ATG5: variants seen among roughly 807,000 people sequenced by gnomAD.
ATG5 encodes the protein autophagy protein 5.
A neutral mutation model predicts 36.5 loss-of-function variants in ATG5; 14 were observed. That is an observed-to-expected ratio of 0.38 (90% CI 0.25 to 0.60). ATG5 has a LOEUF of 0.60. ATG5 is among the 20% of genes least tolerant of loss of function. The pLI, the probability that ATG5 is intolerant of heterozygous loss-of-function variation, is 0.60. For synonymous variants in ATG5, 95 were observed against 101.5 expected, an observed-to-expected ratio of 0.94 and a Z score of 0.38; for missense variants, 195 against 326.7, an observed-to-expected ratio of 0.60 and a Z score of 3.11.
rs752467751 is a variant in ATG5, at chr6:106,186,522, A to T, written c.*18T>A. The T allele has an allele frequency of 6.2e-7, 1 of 1,612,024 alleles. No homozygotes were observed. The highest frequency in any genetic ancestry group is 1.7e-5 in the Admixed American group (1 of 59,978). On this transcript the variant is annotated 3_prime_UTR_variant, in exon 8 of 8. Coordinates refer to ENST00000369076, the MANE Select transcript of ATG5 (RefSeq NM_004849.4). ...ATCCCATTTAAGGATGATTCTGTTC[A>T]GGCAAATAGTTGATCCTTCAATCTG...
intron 1 of ATG5, among the ~76,000 whole-genome samples, chr6:106,321,866 T>C (rs1390988229): frequency 6.6e-6 from 1 of 152,202 alleles, no homozygotes; most frequent in Non-Finnish European, 1.5e-5. Context: ...TTATCACCAA[T>C]ATTAGTACAG....
intron 7 of ATG5, among the ~76,000 whole-genome samples, chr6:106,193,269 G>A (rs1303037670): frequency 6.6e-6 from 1 of 152,138 alleles, no homozygotes; most frequent in Non-Finnish European, 1.5e-5. Flanking sequence ...TCACTTAGCA[G>A]TACAGGTCTT....
At chr6:106,201,826 T>C (rs1776442253) in intron 7 of ATG5, 146 bp downstream of exon 7, 1 of 491,802 alleles carries the variant, frequency 2.0e-6, no homozygotes, top group Admixed American at 3.4e-5. Context: ...ATATTAAATA[T>C]TAGGTGCTTC....
At chr6:106,283,240 T>C (rs1165807182) in intron 4 of ATG5, among the ~76,000 whole-genome samples, 2 of 152,198 alleles carry the variant, frequency 1.3e-5, no homozygotes, top group African/African-American at 4.8e-5. Flanking sequence ...TCATGAAATA[T>C]ACTGGCTTAT....
intron 5 of ATG5, among the ~76,000 whole-genome samples, chr6:106,263,714 A>G (rs574193626): frequency 1.4e-4 from 22 of 152,188 alleles, no homozygotes; most frequent in Admixed American, 2.6e-4. Flanking sequence ...CCAGGCGAAC[A>G]GGGTCTAGAG....
At chr6:106,324,364 C>T (rs532306656) in intron 1 of ATG5, among the ~76,000 whole-genome samples, 1 of 152,124 alleles carries the variant, frequency 6.6e-6, no homozygotes, top group African/African-American at 2.4e-5. Flanking sequence ...AAACACTACA[C>T]CATTTTATAT....
chr6:106,251,523 G>A (rs1016057461), intron 5 of ATG5, among the ~76,000 whole-genome samples: 13 of 143,776 alleles, frequency 9.0e-5, no homozygotes, highest in South Asian at 2.3e-4. Flanking sequence ...AGGAAGACAC[G>A]ATAAAAAAAA....
chr6:106,247,109 A>G (rs1778371458), intron 6 of ATG5, among the ~76,000 whole-genome samples: 1 of 152,176 alleles, frequency 6.6e-6, no homozygotes, highest in African/African-American at 2.4e-5. Flanking sequence ...ATGGCTCTAT[A>G]AAAGATTTTA....
intron 6 of ATG5, among the ~76,000 whole-genome samples, chr6:106,229,707 G>A (rs1418549968): frequency 6.6e-6 from 1 of 152,170 alleles, no homozygotes; most frequent in Non-Finnish European, 1.5e-5. Context: ...AAAACACTAA[G>A]ACCACTGACA....
At chr6:106,288,130 C>T (rs2787539) in intron 4 of ATG5, among the ~76,000 whole-genome samples, 12,369 of 151,724 alleles carry the variant, frequency 0.082, 528 homozygotes, top group South Asian at 0.13. Context: ...ACCACCATGC[C>T]CAGCTAATTT....
intron 5 of ATG5, among the ~76,000 whole-genome samples, chr6:106,271,344 C>CTGAT (rs2114580503): frequency 6.6e-6 from 1 of 152,272 alleles, no homozygotes; most frequent in East Asian, 1.9e-4. Flanking sequence ...CATTTGGGAG[C>CTGAT]TGATTAGGTC....
At position 106,257,408 on chromosome 6, in the gene ATG5, A is replaced by G. The variant is rs185325269; in HGVS notation, c.479-9164T>C. On this transcript the variant is annotated intron_variant, in intron 5 of 7. Coordinates refer to ENST00000369076, the MANE Select transcript of ATG5 (RefSeq NM_004849.4). Reference sequence around the variant, plus strand: ...CACATTTGTTTATGACAGTATCACCACAAATCTATGAGTAATGCATTGTGC... The same window carrying G: ...CACATTTGTTTATGACAGTATCACCGCAAATCTATGAGTAATGCATTGTGC... 2.9e-3 allele frequency among the ~76,000 whole-genome samples: 442 copies of G among 152,338 alleles called. 1 individual carries two copies. The highest frequency in any genetic ancestry group is 6.8e-3 in the Middle Eastern group (2 of 294).
intron 6 of ATG5, among the ~76,000 whole-genome samples, chr6:106,240,372 C>A (rs1778072392): frequency 6.8e-6 from 1 of 147,630 alleles, no homozygotes; most frequent in South Asian, 2.1e-4. Flanking sequence ...TATAAAATAT[C>A]TATAAAATTA....
At chr6:106,313,987 C>T (rs979973251) in intron 2 of ATG5, among the ~76,000 whole-genome samples, 21 of 152,160 alleles carry the variant, frequency 1.4e-4, no homozygotes, top group African/African-American at 5.1e-4. Context: ...TTCAAAAACA[C>T]AAATCATGAC....
chr6:106,222,999 C>T (rs925012317), intron 6 of ATG5, among the ~76,000 whole-genome samples: 1 of 152,104 alleles, frequency 6.6e-6, no homozygotes, highest in Non-Finnish European at 1.5e-5. Context: ...AAACAATGAC[C>T]TAGCTTAGTA....
intron 6 of ATG5, among the ~76,000 whole-genome samples, chr6:106,243,873 A>T (rs1162532479): frequency 6.6e-6 from 1 of 150,494 alleles, no homozygotes; most frequent in South Asian, 2.1e-4. Context: ...AAAAATATAT[A>T]AAAATAAAAC....
chr6:106,254,143 C>T (rs1582615862), intron 5 of ATG5, among the ~76,000 whole-genome samples: 1 of 152,132 alleles, frequency 6.6e-6, no homozygotes, highest in African/African-American at 2.4e-5. Flanking sequence ...CCTAGAATCC[C>T]CACTTTCCTA....
intron 6 of ATG5, among the ~76,000 whole-genome samples, chr6:106,226,756 A>G (rs9386516): frequency 0.15 from 23,050 of 152,158 alleles, 2,101 homozygotes; most frequent in Non-Finnish European, 0.2. Flanking sequence ...CCAAACAGAA[A>G]TAGAAATTAT....
intron 5 of ATG5, among the ~76,000 whole-genome samples, chr6:106,253,523 AAAGT>A (rs1036141556): frequency 3.3e-5 from 5 of 152,218 alleles, no homozygotes; most frequent in African/African-American, 1.2e-4. Flanking sequence ...TTTACCCTAC[AAAGT>A]AAGTGCCACA....
Sources: gnomAD v4.1 joint callset for allele counts (sites outside exome capture counted in the v4.1 genomes callset) on GRCh38, gnomAD v4.1.1 for gene constraint, MANE v1.5 for transcripts, NCBI Gene and HGNC (gene_info 2026-07-23, HGNC 2026-07-21) for gene names.